The following MAD1L1 variants were observed in gnomAD, a reference collection of about 807,000 sequenced individuals.
MAD1L1 encodes the protein mitotic spindle assembly checkpoint protein MAD1.
MAD1L1 carries 95 observed loss-of-function variants against 96.9 expected under a neutral mutation model. The ratio of observed to expected loss-of-function variants is 0.98; its 90% CI spans 0.83 to 1.16. The LOEUF (loss-of-function observed/expected upper bound fraction) is 1.16. Ranked by LOEUF, MAD1L1 falls within the 50% of genes most tolerant of loss-of-function variation. The probability of loss-of-function intolerance (pLI) is 0.00; values close to 1 mark genes in which losing one functional copy is unlikely to be tolerated. For missense variants in MAD1L1, 1,007 were observed against 954.4 expected, an observed-to-expected ratio of 1.06 and a Z score of -0.73; for synonymous variants, 473 against 396.6, an observed-to-expected ratio of 1.19 and a Z score of -2.29.
At chr7:1,956,235 G>A (rs1022901082) in intron 16 of MAD1L1, among the ~76,000 whole-genome samples, 43 of 152,042 alleles carry the variant, frequency 2.8e-4, no homozygotes, top group Admixed American at 1.3e-3. Flanking sequence ...CACCCTGGAC[G>A]TCCCCCCACT....
chr7:1,840,666 T>C (rs1783202191), intron 18 of MAD1L1, among the ~76,000 whole-genome samples: 1 of 152,090 alleles, frequency 6.6e-6, no homozygotes, highest in Admixed American at 6.5e-5. Flanking sequence ...GAGGCAGAGG[T>C]TGCAGTGAGC....
rs1786620754 is a variant in MAD1L1 at position 2,098,620 on chromosome 7, C to T, written c.1074-29282G>A. ...CAAATGGGCAGGGAGCACAGCACGG[C>T]AGACACGTCCATCCAGCACAGCCCT... On this transcript the variant is annotated intron_variant, in intron 11 of 18. Coordinates refer to ENST00000265854, the MANE Select transcript of MAD1L1 (RefSeq NM_001013836.2). Among the ~76,000 whole-genome samples the T allele has an allele frequency of 2.0e-5, 3 of 152,178 alleles. No individual in the cohort carries two copies. In the South Asian group the frequency reaches 6.2e-4, roughly 32 times the overall value.
intron 10 of MAD1L1, among the ~76,000 whole-genome samples, chr7:2,151,686 C>G (rs1443340150): frequency 6.6e-6 from 1 of 152,272 alleles, no homozygotes; most frequent in African/African-American, 2.4e-5. Context: ...CTCTGCTAAC[C>G]ATGTTCTGCG....
intron 16 of MAD1L1, among the ~76,000 whole-genome samples, chr7:1,948,370 GCCCA>G: frequency 6.6e-6 from 1 of 151,588 alleles, no homozygotes; most frequent in Non-Finnish European, 1.5e-5. Flanking sequence ...TCAGGGCCCT[GCCCA>G]GAGGCTAAGC....
Position 2,126,525 on chromosome 7 carries a change from C to G in MAD1L1, c.1073+22627G>C, listed in dbSNP as rs576195798. On this transcript the variant is annotated intron_variant, in intron 11 of 18. Transcript: ENST00000265854. ...GCAGCGGGGACACCTGACCTGACAG[C>G]CCAGGCCAGGCACAATGATTGTGCA... Among the ~76,000 whole-genome samples the G allele has an allele frequency of 5.9e-5, 9 of 152,260 alleles. No individual in the cohort carries two copies. In the South Asian group the frequency reaches 1.5e-3, roughly 25 times the overall value.
At position 1,828,194 on chromosome 7, in the gene MAD1L1, C is replaced by G. The variant is rs560413212; in HGVS notation, c.1999-11966G>C. Among the ~76,000 whole-genome samples the G allele has an allele frequency of 1.7e-4, 26 of 152,264 alleles. 1 individual carries two copies. In the South Asian group the frequency reaches 3.9e-3, roughly 23 times the overall value. Reference sequence around the variant, plus strand: ...CCACAAGGACAGATGCACCTGCCATCTGAAACAGCCAGAATATGAGGCATC... The same window carrying G: ...CCACAAGGACAGATGCACCTGCCATGTGAAACAGCCAGAATATGAGGCATC... On this transcript the variant is annotated intron_variant, in intron 18 of 18. Transcript: ENST00000265854.
At chr7:1,945,628 G>A (rs1294085560) in intron 16 of MAD1L1, among the ~76,000 whole-genome samples, 3 of 152,218 alleles carry the variant, frequency 2.0e-5, no homozygotes, top group African/African-American at 4.8e-5. Context: ...ATCTGCAGAC[G>A]CCATGGGGTG....
At position 1,939,261 on chromosome 7, in the gene MAD1L1, G is replaced by A. The variant is rs568016830; in HGVS notation, c.1597-2364C>T. ...CACACACGGGCCAGGGCCGGGACCA[G>A]AGGCGCGCGCACACATGGGCCAGGG... On this transcript the variant is annotated intron_variant, in intron 16 of 18. Coordinates refer to ENST00000265854, the MANE Select transcript of MAD1L1 (RefSeq NM_001013836.2). Among the ~76,000 whole-genome samples, 556 of 147,008 alleles carry A rather than the reference G, an allele frequency of 3.8e-3. 2 individuals carry two copies. The highest frequency in any genetic ancestry group is 0.013 in the African/African-American group (532 of 39,596).
intron 14 of MAD1L1, among the ~76,000 whole-genome samples, chr7:1,995,459 C>T (rs767736521): frequency 8.5e-4 from 130 of 152,300 alleles, no homozygotes; most frequent in Non-Finnish European, 1.0e-3. Context: ...CAGTGAAGCA[C>T]CTGCCTGTGG....
chr7:1,911,074 G>A (rs889312118), intron 17 of MAD1L1, among the ~76,000 whole-genome samples: 1 of 46 alleles, frequency 0.022, no homozygotes. Flanking sequence ...CTGCAGGCGT[G>A]CCTCATGTCT....
intron 16 of MAD1L1, among the ~76,000 whole-genome samples, chr7:1,952,469 C>A (rs1026224773): frequency 1.3e-5 from 2 of 152,346 alleles, no homozygotes; most frequent in African/African-American, 4.8e-5. Context: ...GCACCTCATC[C>A]GTCTGAACCA....
chr7:1,880,096 A>G (rs1785601294), intron 18 of MAD1L1, among the ~76,000 whole-genome samples: 1 of 152,222 alleles, frequency 6.6e-6, no homozygotes, highest in South Asian at 2.1e-4. Flanking sequence ...TTTAAACAAG[A>G]GTTGCTGGAA....
chr7:2,100,509 G>A (rs1786724260), intron 11 of MAD1L1, among the ~76,000 whole-genome samples: 1 of 152,350 alleles, frequency 6.6e-6, no homozygotes, highest in Middle Eastern at 3.4e-3. Flanking sequence ...CCCACCCGGC[G>A]CGTCTGCCTC....
intron 11 of MAD1L1, among the ~76,000 whole-genome samples, chr7:2,137,073 A>G (rs1442125359): frequency 6.6e-6 from 1 of 152,130 alleles, no homozygotes; most frequent in African/African-American, 2.4e-5. Flanking sequence ...ACCCTGCTCT[A>G]GGCTCCGCTG....
At chr7:1,906,801 C>A (rs866547271) in intron 17 of MAD1L1, among the ~76,000 whole-genome samples, 1 of 152,226 alleles carries the variant, frequency 6.6e-6, no homozygotes, top group East Asian at 1.9e-4. Context: ...GACCTGAGCT[C>A]CTGCCCCTGC....
intron 14 of MAD1L1, among the ~76,000 whole-genome samples, chr7:1,997,514 C>T (rs770361763): frequency 2.0e-4 from 31 of 152,254 alleles, no homozygotes; most frequent in Non-Finnish European, 2.2e-4. Context: ...TCCAGCCATC[C>T]CAGCTCAGGG....
At chr7:2,225,734 T>C in intron 3 of MAD1L1, 184 bp from the exon 4 acceptor site, 3 of 628,508 alleles carry the variant, frequency 4.8e-6, no homozygotes, top group Admixed American at 3.0e-5. Context: ...AACGGGAAGG[T>C]GAAAAAGCCT....
intron 12 of MAD1L1, among the ~76,000 whole-genome samples, chr7:2,049,099 T>C (rs1229847734): frequency 6.6e-6 from 1 of 152,234 alleles, no homozygotes; most frequent in Non-Finnish European, 1.5e-5. Flanking sequence ...TTTCAAAGCA[T>C]TCCCTCATGT....
At chr7:1,950,726 G>GA (rs1432450900) in intron 16 of MAD1L1, among the ~76,000 whole-genome samples, 4 of 152,220 alleles carry the variant, frequency 2.6e-5, no homozygotes, top group African/African-American at 9.7e-5. Context: ...CCCACAGGGG[G>GA]AGGGTGCTCT....
Sources: gnomAD v4.1 joint callset for allele counts (sites outside exome capture counted in the v4.1 genomes callset) on GRCh38, gnomAD v4.1.1 for gene constraint, MANE v1.5 for transcripts, NCBI Gene and HGNC (gene_info 2026-07-23, HGNC 2026-07-21) for gene names.